The following DPYSL3 variants were observed in gnomAD, a reference collection of about 807,000 sequenced individuals.
The protein encoded by DPYSL3 is dihydropyrimidinase like 3.
In DPYSL3, 16 loss-of-function variants were observed where a neutral mutation model predicts 66.1. The ratio of observed to expected loss-of-function variants is 0.24; its 90% confidence interval spans 0.16 to 0.37. The LOEUF (loss-of-function observed/expected upper bound fraction) is 0.37. Ranked by LOEUF, DPYSL3 falls within the 10% of genes least tolerant of loss-of-function variation. The probability of loss-of-function intolerance (pLI) is 1.00; values close to 1 mark genes in which losing one functional copy is unlikely to be tolerated. For synonymous variants in DPYSL3, 338 were observed against 345.1 expected, an observed-to-expected ratio of 0.98 and a Z score of 0.23; for missense variants, 738 against 916.2, an observed-to-expected ratio of 0.81 and a Z score of 2.51.
At chr5:147,424,780 T>C in intron 2 of DPYSL3, 95 bp downstream of exon 2, 1 of 977,428 alleles carries the variant, frequency 1.0e-6, no homozygotes, top group South Asian at 1.8e-5. Context: ...AAATTAAGAT[T>C]TTTTTCACTA....
At chr5:147,462,934 G>A (rs542104492) in intron 1 of DPYSL3, among the ~76,000 whole-genome samples, 10 of 152,228 alleles carry the variant, frequency 6.6e-5, no homozygotes, top group South Asian at 4.1e-4. Flanking sequence ...AAAGACAGAA[G>A]CCCTTATCAG....
At chr5:147,453,696 G>A (rs1242920541) in intron 1 of DPYSL3, 3 of 1,350,544 alleles carry the variant, frequency 2.2e-6, no homozygotes, top group African/African-American at 1.5e-5. Flanking sequence ...AGTGAATGGT[G>A]CGCTGGCCGC....
chr5:147,407,342 G>A (rs1758351224), intron 7 of DPYSL3, among the ~76,000 whole-genome samples: 1 of 152,096 alleles, frequency 6.6e-6, no homozygotes, highest in Non-Finnish European at 1.5e-5. Flanking sequence ...TACTAAAAAG[G>A]AGACAGGAAT....
intron 1 of DPYSL3, among the ~76,000 whole-genome samples, chr5:147,451,125 G>A (rs1363790432): frequency 6.6e-6 from 1 of 152,096 alleles, no homozygotes; most frequent in Admixed American, 6.5e-5. Flanking sequence ...TAGATTCCTT[G>A]TTCATGGAAA....
At chr5:147,429,411 C>G (rs1025273319) in intron 1 of DPYSL3, among the ~76,000 whole-genome samples, 1 of 152,078 alleles carries the variant, frequency 6.6e-6, no homozygotes, top group Non-Finnish European at 1.5e-5. Flanking sequence ...CTCAGAGCAT[C>G]GTTTTTTTTC....
intron 6 of DPYSL3, among the ~76,000 whole-genome samples, chr5:147,412,216 A>C (rs1472920528): frequency 6.6e-6 from 1 of 152,208 alleles, no homozygotes; most frequent in Non-Finnish European, 1.5e-5. Flanking sequence ...ACTTGGATCC[A>C]ATCTCTGGCT....
At chr5:147,488,831 A>G (rs946755075) in intron 1 of DPYSL3, among the ~76,000 whole-genome samples, 5 of 152,098 alleles carry the variant, frequency 3.3e-5, no homozygotes, top group Non-Finnish European at 5.9e-5. Context: ...CCTGGTCAAC[A>G]TGGCAAAACC....
intron 1 of DPYSL3, among the ~76,000 whole-genome samples, chr5:147,477,798 G>T (rs952612681): frequency 6.6e-6 from 1 of 151,220 alleles, no homozygotes; most frequent in Non-Finnish European, 1.5e-5. Flanking sequence ...TAGCCAGGAT[G>T]GTCTCGATCT....
intron 1 of DPYSL3, chr5:147,473,013 G>A (rs1753106380): frequency 6.6e-6 from 1 of 152,084 alleles, no homozygotes; most frequent in South Asian, 2.1e-4. Context: ...ATGGTTCAGA[G>A]AAACTCCTAA....
At chr5:147,458,041 C>G (rs1404297480) in intron 1 of DPYSL3, among the ~76,000 whole-genome samples, 1 of 152,042 alleles carries the variant, frequency 6.6e-6, no homozygotes, top group African/African-American at 2.4e-5. Context: ...AGTAAAGGAA[C>G]TAGGAAAATA....
At chr5:147,481,828 T>A (rs1168429154) in intron 1 of DPYSL3, among the ~76,000 whole-genome samples, 1 of 152,186 alleles carries the variant, frequency 6.6e-6, no homozygotes, top group Non-Finnish European at 1.5e-5. Context: ...CATTCCAGGT[T>A]CCAGAATCAT....
chr5:147,424,944 T>C lies in DPYSL3; in HGVS notation c.401A>G (p.Lys134Arg). Residue 134 changes from lysine to arginine, a missense_variant, in exon 2 of 14, where the codon AAG becomes AGG. Coordinates refer to ENST00000343218, the MANE Select transcript of DPYSL3 (RefSeq NM_001197294.2). ...PKDKSDRLLI[K>R]GGRIVNDDQS... ...ATCATCATTGACGATTCTGCCTCCC[T>C]TGATAAGGAGACGGTCACTCTAGAA... The C allele has an allele frequency of 6.2e-7, 1 of 1,613,070 alleles. No individual in the cohort carries two copies. Among genetic ancestry groups the C allele is most frequent in the East Asian group, 2.2e-5 (1 of 44,822 alleles).
At chr5:147,417,913 G>A (rs953494386) in intron 3 of DPYSL3, among the ~76,000 whole-genome samples, 7 of 152,160 alleles carry the variant, frequency 4.6e-5, no homozygotes, top group African/African-American at 9.6e-5. Context: ...CATGACCAGC[G>A]TCCCAGTAGA....
chr5:147,418,504 C>T lies in DPYSL3; in HGVS notation c.598G>A (p.Val200Ile). Residue 200 changes from valine to isoleucine, a missense_variant, in exon 3 of 14, where the codon GTA becomes ATA. Physicochemically the swap from Val to Ile is conservative, Grantham distance 29. Coordinates refer to ENST00000343218, the MANE Select transcript of DPYSL3 (RefSeq NM_001197294.2). ...TTTGTCCCTTGGAAGAAGTCATCTA[C>T]TGTGGTCATTCCCTTATATGGCATC... ...FQMPYKGMTT[V>I]DDFFQGTKAA... The T allele has an allele frequency of 6.2e-7, 1 of 1,613,718 alleles. No individual in the cohort carries two copies. The highest frequency in any genetic ancestry group is 8.5e-7 in the Non-Finnish European group (1 of 1,179,792).
intron 1 of DPYSL3, among the ~76,000 whole-genome samples, chr5:147,497,015 G>T (rs144750861): frequency 6.6e-6 from 1 of 152,126 alleles, no homozygotes; most frequent in Admixed American, 6.5e-5. Flanking sequence ...GTCCAACAGC[G>T]ATAGACTGAA....
chr5:147,437,804 ACT>A (rs1752440910), intron 1 of DPYSL3, among the ~76,000 whole-genome samples: 2 of 152,298 alleles, frequency 1.3e-5, no homozygotes, highest in East Asian at 3.9e-4. Context: ...TGGAGTCCTG[ACT>A]GTAAAGCGAG....
chr5:147,502,344 C>T (rs1753623687), intron 1 of DPYSL3, among the ~76,000 whole-genome samples: 1 of 151,054 alleles, frequency 6.6e-6, no homozygotes, highest in African/African-American at 2.4e-5. Flanking sequence ...ACTGCATCTC[C>T]TCACTTTTGG....
intron 1 of DPYSL3, among the ~76,000 whole-genome samples, chr5:147,437,314 G>T (rs1035523902): frequency 6.6e-6 from 1 of 152,166 alleles, no homozygotes; most frequent in Non-Finnish European, 1.5e-5. Flanking sequence ...CCGCCAAAAT[G>T]CAACTCCCAG....
intron 11 of DPYSL3, 108 bp downstream of exon 11, chr5:147,398,974 C>T: frequency 2.1e-6 from 3 of 1,413,604 alleles, no homozygotes; most frequent in Non-Finnish European, 2.9e-6. Flanking sequence ...ATTATTGCAA[C>T]CCGTCCTAGT....
Sources: gnomAD v4.1 joint callset for allele counts (sites outside exome capture counted in the v4.1 genomes callset) on GRCh38, gnomAD v4.1.1 for gene constraint, MANE v1.5 for transcripts, NCBI Gene and HGNC (gene_info 2026-07-23, HGNC 2026-07-21) for gene names.